ZSCAN30: variants seen among roughly 807,000 people sequenced by gnomAD.
ZSCAN30 encodes zinc finger and SCAN domain containing 30.
ZSCAN30 carries 37 observed loss-of-function variants against 44.3 expected under a neutral mutation model. That is an observed-to-expected ratio of 0.84 (90% CI 0.64 to 1.10). ZSCAN30 has a LOEUF of 1.10. ZSCAN30 is among the 50% of genes least tolerant of loss of function. The pLI is 0.00. For synonymous variants in ZSCAN30, 181 were observed against 204.6 expected (o/e 0.88, Z 0.98); for missense variants, 549 against 582.6 (o/e 0.94, Z 0.59).
intron 1 of ZSCAN30, among the ~76,000 whole-genome samples, chr18:35,286,422 A>G (rs2044550772): frequency 6.6e-6 from 1 of 152,158 alleles, no homozygotes; most frequent in Non-Finnish European, 1.5e-5. Context: ...AACAATATAT[A>G]AAAAGGATAA....
intron 1 of ZSCAN30, chr18:35,268,323 CTG>C (rs2044205459): frequency 1.3e-5 from 2 of 152,190 alleles, no homozygotes; most frequent in African/African-American, 2.4e-5. Flanking sequence ...AGGGCGGTGT[CTG>C]TACCGTATAG....
At chr18:35,259,969 T>G (rs1005797494) in intron 3 of ZSCAN30, 3 of 152,368 alleles carry the variant, frequency 2.0e-5, no homozygotes, top group Admixed American at 2.0e-4. Flanking sequence ...ACCCATCACC[T>G]AGGTATTAAG....
At chr18:35,289,260 GC>G (rs1384619056) in intron 1 of ZSCAN30, 1 of 152,206 alleles carries the variant, frequency 6.6e-6, no homozygotes, top group East Asian at 1.9e-4. Flanking sequence ...ACAGGCCTAA[GC>G]TGCGCCTGGC....
In ZSCAN30 at chr18:35,264,168, G is replaced by A; in HGVS notation, c.185C>T (p.Pro62Leu). The change falls in exon 2 of 4, where the codon CCT becomes CTT. Residue 62 changes from proline (P) to leucine (L), a missense_variant. Transcript: ENST00000333206. ...RQFSYSDSTG[P>L]REALSRLREL... ...TCGCAGCCGGCTCAGAGCCTCCCGAGGGCCAGTGGAGTCAGAGTAACTAAA... is the reference window on the plus strand; with the variant it reads ...TCGCAGCCGGCTCAGAGCCTCCCGAAGGCCAGTGGAGTCAGAGTAACTAAA... The A allele has an allele frequency of 1.2e-6, 2 of 1,614,228 alleles. No individual in the cohort carries two copies. Among genetic ancestry groups the A allele is most frequent in the Non-Finnish European group, 1.7e-6 (2 of 1,180,048 alleles).
At chr18:35,265,833 G>C (rs970643478) in intron 1 of ZSCAN30, among the ~76,000 whole-genome samples, 1 of 152,122 alleles carries the variant, frequency 6.6e-6, no homozygotes, top group Non-Finnish European at 1.5e-5. Flanking sequence ...TCCAAGGACG[G>C]AGCGAAGTAG....
rs916444647 is a variant in ZSCAN30, at chr18:35,251,823, G to A, written c.*1627C>T. 2 of 151,216 alleles carry A rather than the reference G, an allele frequency of 1.3e-5. No individual in the cohort carries two copies. Among genetic ancestry groups the A allele is most frequent in the African/African-American group, 2.4e-5 (1 of 41,024 alleles). The allele number at this position is 151,216 out of a possible 1,614,324, so 9.4% of individuals were successfully genotyped here. On this transcript the variant is annotated 3_prime_UTR_variant, in exon 4 of 4. Coordinates refer to ENST00000333206, the MANE Select transcript of ZSCAN30 (RefSeq NM_001112734.4). ...TTTTTTTTTTTTAATAAATTACCCAGTATCAGGTAGTATCTTCATAGCACT... is the reference window on the plus strand; with the variant it reads ...TTTTTTTTTTTTAATAAATTACCCAATATCAGGTAGTATCTTCATAGCACT...
chr18:35,261,649 G>A (rs2044031967), intron 3 of ZSCAN30: 1 of 2,448 alleles, frequency 4.1e-4, no homozygotes, highest in Non-Finnish European at 0.016. Flanking sequence ...TTGGCTCTCT[G>A]GTTGTCTTAT....
chr18:35,266,465 G>A (rs2143712070), intron 1 of ZSCAN30, among the ~76,000 whole-genome samples: 1 of 152,236 alleles, frequency 6.6e-6, no homozygotes, highest in African/African-American at 2.4e-5. Context: ...TTGGAAGAGA[G>A]AGGGGTCAAG....
At chr18:35,270,749 T>C (rs974796041) in intron 1 of ZSCAN30, among the ~76,000 whole-genome samples, 2 of 152,184 alleles carry the variant, frequency 1.3e-5, no homozygotes, top group Non-Finnish European at 2.9e-5. Flanking sequence ...GTGTCCAGAA[T>C]TGGTGGGTTC....
chr18:35,273,397 A>G (rs2044317961), intron 1 of ZSCAN30, among the ~76,000 whole-genome samples: 2 of 152,318 alleles, frequency 1.3e-5, no homozygotes, highest in African/African-American at 4.8e-5. Flanking sequence ...AGGGCTGAAT[A>G]ATATTCTATT....
At chr18:35,286,173 A>C (rs954363351) in intron 1 of ZSCAN30, among the ~76,000 whole-genome samples, 2 of 152,198 alleles carry the variant, frequency 1.3e-5, no homozygotes, top group African/African-American at 4.8e-5. Flanking sequence ...CTATTAAAGA[A>C]ACTGAATTTG....
chr18:35,270,670 T>A (rs2044251534), intron 1 of ZSCAN30, among the ~76,000 whole-genome samples: 1 of 152,180 alleles, frequency 6.6e-6, no homozygotes, highest in South Asian at 2.1e-4. Context: ...AACCTCCCCC[T>A]CCGCGGCTCA....
At position 35,263,979 on chromosome 18, in the gene ZSCAN30, T is replaced by A. The variant is rs767964159; in HGVS notation, c.374A>T (p.Glu125Val). 1 of 1,614,172 alleles carries A rather than the reference T, an allele frequency of 6.2e-7. No individual in the cohort carries two copies. The highest frequency in any genetic ancestry group is 1.1e-5 in the South Asian group (1 of 91,084). The change falls in exon 2 of 4, where the codon GAG (glutamate) becomes GTG (valine). Residue 125 changes from glutamate (E) to valine (V), a missense_variant. Glu to Val is a moderately radical substitution (Grantham distance 121). Coordinates refer to ENST00000333206, the MANE Select transcript of ZSCAN30 (RefSeq NM_001112734.4). ...TGGCTCCTCCAGTTCTTTTTCCAGCTCCTCCAGCATAGTCACAGCTTCCTC... is the reference window on the plus strand; with the variant it reads ...TGGCTCCTCCAGTTCTTTTTCCAGCACCTCCAGCATAGTCACAGCTTCCTC... Reference protein sequence around the residue: ...NGEEAVTMLEELEKELEEPRQ... With the variant: ...NGEEAVTMLEVLEKELEEPRQ...
At chr18:35,258,039 T>C in intron 3 of ZSCAN30, 2 of 779,128 alleles carry the variant, frequency 2.6e-6, no homozygotes, top group Non-Finnish European at 4.8e-6. Context: ...ACAAGAAACT[T>C]ATAACTCAAG....
rs367613937 is a variant in ZSCAN30 at position 35,264,896 on chromosome 18, T to C, written c.-103-441A>G. On this transcript the variant is annotated intron_variant, in intron 1 of 3. Transcript: ENST00000333206. ...GCACGGTGGCTCACGCCTGTAATCC[T>C]AGCACTTTGGGAGGCCGAGGCGGGA... 1.8e-3 allele frequency among the ~76,000 whole-genome samples: 277 copies of C among 152,194 alleles called. 2 individuals carry two copies. Among genetic ancestry groups the C allele is most frequent in the African/African-American group, 6.4e-3 (266 of 41,532 alleles).
chr18:35,271,146 C>T (rs187448806), intron 1 of ZSCAN30, among the ~76,000 whole-genome samples: 121 of 152,238 alleles, frequency 7.9e-4, no homozygotes, highest in Non-Finnish European at 1.5e-3. Context: ...AAAAACCCTC[C>T]GCACTGTGGA....
intron 3 of ZSCAN30, among the ~76,000 whole-genome samples, chr18:35,256,527 T>A (rs545023082): frequency 4.4e-4 from 66 of 151,528 alleles, no homozygotes; most frequent in African/African-American, 1.5e-3. Context: ...CACCACTGCA[T>A]GACAGAACAA....
intron 1 of ZSCAN30, among the ~76,000 whole-genome samples, chr18:35,274,436 G>T (rs1356080724): frequency 1.3e-5 from 2 of 152,216 alleles, no homozygotes; most frequent in African/African-American, 4.8e-5. Context: ...TAGGTATTGA[G>T]ATTTTTCTGG....
chr18:35,276,882 C>T (rs2044376046), intron 1 of ZSCAN30, among the ~76,000 whole-genome samples: 1 of 152,194 alleles, frequency 6.6e-6, no homozygotes, highest in Non-Finnish European at 1.5e-5. Context: ...AAAGCTTGCA[C>T]CATGCACCTG....
Sources: allele counts gnomAD v4.1 joint callset (sites outside exome capture counted in the v4.1 genomes callset), GRCh38; gene constraint gnomAD v4.1.1; transcripts MANE v1.5; gene names NCBI Gene and HGNC (gene_info 2026-07-23, HGNC 2026-07-21).